Variants in CLASP1 observed in about 807,000 individuals in gnomAD.
CLASP1 encodes the protein cytoplasmic linker associated protein 1.
CLASP1 carries 38 observed loss-of-function variants against 192.3 expected under a neutral mutation model. The observed-to-expected ratio is 0.20, with a 90% CI of 0.15 to 0.26. CLASP1 has a LOEUF of 0.26. Among genes scored for constraint, CLASP1 ranks in the 10% least tolerant of loss-of-function variants. The pLI is 1.00. For synonymous variants in CLASP1, 691 were observed against 712.8 expected (o/e 0.97, Z 0.49); for missense variants, 1,433 against 1,932.5 (o/e 0.74, Z 4.85).
At chr2:121,560,022 T>C (rs1283467697) in intron 2 of CLASP1, among the ~76,000 whole-genome samples, 1 of 152,196 alleles carries the variant, frequency 6.6e-6, no homozygotes, top group Non-Finnish European at 1.5e-5. Context: ...AATAGTGTTG[T>C]ACCAAGTCCC....
intron 7 of CLASP1, among the ~76,000 whole-genome samples, chr2:121,509,128 C>G (rs568502736): frequency 2.6e-5 from 4 of 152,290 alleles, no homozygotes; most frequent in Middle Eastern, 3.4e-3. Context: ...ACACTATAAT[C>G]CAACTAGAAC....
intron 2 of CLASP1, among the ~76,000 whole-genome samples, chr2:121,595,677 G>T (rs1303446137): frequency 1.3e-5 from 2 of 151,998 alleles, no homozygotes; most frequent in African/African-American, 4.8e-5. Flanking sequence ...CTCTACTCAG[G>T]GACTTTATTA....
chr2:121,634,745 C>T (rs978660653), intron 1 of CLASP1, among the ~76,000 whole-genome samples: 16 of 152,136 alleles, frequency 1.1e-4, no homozygotes, highest in Admixed American at 3.3e-4. Flanking sequence ...TACGCTCAAT[C>T]AGCAGTAAGC....
chr2:121,529,335 G>T (rs1257752741), intron 3 of CLASP1, among the ~76,000 whole-genome samples: 1 of 152,176 alleles, frequency 6.6e-6, no homozygotes, highest in Non-Finnish European at 1.5e-5. Flanking sequence ...CTTATTTTAA[G>T]AGTTTGTAAA....
chr2:121,578,994 T>C (rs2105528245), intron 2 of CLASP1, among the ~76,000 whole-genome samples: 1 of 152,320 alleles, frequency 6.6e-6, no homozygotes, highest in East Asian at 1.9e-4. Context: ...TAATATACAT[T>C]TGTTTCATTT....
chr2:121,457,588 A>C, intron 14 of CLASP1, 99 bp downstream of exon 14: 1 of 850,454 alleles, frequency 1.2e-6, no homozygotes, highest in Non-Finnish European at 1.9e-6. Context: ...AGTAATACTA[A>C]GCATGTTATA....
At chr2:121,641,192 G>C (rs2071992745) in intron 1 of CLASP1, among the ~76,000 whole-genome samples, 1 of 152,178 alleles carries the variant, frequency 6.6e-6, no homozygotes, top group Non-Finnish European at 1.5e-5. Flanking sequence ...GCCTCTGTTA[G>C]CATGTCCGGG....
intron 2 of CLASP1, among the ~76,000 whole-genome samples, chr2:121,544,179 G>A (rs2095286238): frequency 6.6e-6 from 1 of 152,122 alleles, no homozygotes; most frequent in African/African-American, 2.4e-5. Context: ...TTGTGCTTCT[G>A]ACAAAAAGTG....
At chr2:121,619,435 T>C (rs2066970677) in intron 1 of CLASP1, among the ~76,000 whole-genome samples, 1 of 152,210 alleles carries the variant, frequency 6.6e-6, no homozygotes, top group African/African-American at 2.4e-5. Flanking sequence ...AAGTAAATGA[T>C]AAGAAAAAAA....
At chr2:121,413,567 A>G (rs1435626176) in intron 23 of CLASP1, among the ~76,000 whole-genome samples, 1 of 152,228 alleles carries the variant, frequency 6.6e-6, no homozygotes, top group Non-Finnish European at 1.5e-5. Flanking sequence ...TGGGGTTTGC[A>G]GGCTGCAAAG....
intron 1 of CLASP1, among the ~76,000 whole-genome samples, chr2:121,616,545 G>T (rs1171366738): frequency 6.6e-6 from 1 of 152,198 alleles, no homozygotes; most frequent in Non-Finnish European, 1.5e-5. Context: ...AGGTATGGTA[G>T]TTTCATGCCA....
intron 2 of CLASP1, among the ~76,000 whole-genome samples, chr2:121,547,467 C>A (rs147756910): frequency 6.6e-6 from 1 of 151,968 alleles, no homozygotes; most frequent in African/African-American, 2.4e-5. Context: ...GAGCTGATTG[C>A]ACTGAGTGAC....
exon 40 of CLASP1, chr2:121,338,919 C>T (rs1335150217): frequency 1.3e-5 from 2 of 152,468 alleles, no homozygotes; most frequent in Non-Finnish European, 2.9e-5. Flanking sequence ...CAAGAGACTC[C>T]CTAATTCACT....
chr2:121,482,121 T>A (rs867792075), intron 8 of CLASP1, among the ~76,000 whole-genome samples: 1 of 152,200 alleles, frequency 6.6e-6, no homozygotes, highest in Non-Finnish European at 1.5e-5. Context: ...CACATCCTAC[T>A]TAACTCAGGA....
intron 22 of CLASP1, among the ~76,000 whole-genome samples, chr2:121,419,219 A>C (rs2079087956): frequency 6.6e-6 from 1 of 152,206 alleles, no homozygotes; most frequent in Non-Finnish European, 1.5e-5. Context: ...CCTAATGATA[A>C]GGAAGAGGGC....
At chr2:121,388,713 T>C (rs2073801108) in intron 30 of CLASP1, among the ~76,000 whole-genome samples, 2 of 152,204 alleles carry the variant, frequency 1.3e-5, no homozygotes, top group South Asian at 4.1e-4. Flanking sequence ...TTTTCATTTA[T>C]AAAAGCTAAG....
chr2:121,504,698 A>T (rs2150265979), intron 7 of CLASP1, among the ~76,000 whole-genome samples: 1 of 152,346 alleles, frequency 6.6e-6, no homozygotes, highest in African/African-American at 2.4e-5. Flanking sequence ...CAGAGAGGAC[A>T]AAATTACACA....
At chr2:121,442,039 TTCCCCAAA>T (rs2083432915) in intron 19 of CLASP1, among the ~76,000 whole-genome samples, 1 of 152,216 alleles carries the variant, frequency 6.6e-6, no homozygotes, top group Non-Finnish European at 1.5e-5. Flanking sequence ...AACATGATTA[TTCCCCAAA>T]CAAACAATGG....
chr2:121,509,466 G>A (rs2094046476), intron 7 of CLASP1, among the ~76,000 whole-genome samples: 1 of 152,186 alleles, frequency 6.6e-6, no homozygotes, highest in Admixed American at 6.5e-5. Flanking sequence ...GAGCCACTGG[G>A]CCTGCCTTAC....
Sources: gnomAD v4.1 joint callset for allele counts (sites outside exome capture counted in the v4.1 genomes callset) on GRCh38, gnomAD v4.1.1 for gene constraint, MANE v1.5 for transcripts, NCBI Gene and HGNC (gene_info 2026-07-23, HGNC 2026-07-21) for gene names.